The following SEMA3D variants were observed in gnomAD, a reference collection of about 807,000 sequenced individuals.
SEMA3D encodes the protein semaphorin-3D.
A neutral mutation model predicts 100.1 loss-of-function variants in SEMA3D; 84 were observed. That is an observed-to-expected ratio of 0.84 (90% CI 0.70 to 1.01). SEMA3D has a LOEUF of 1.01. Ranked by LOEUF, SEMA3D falls within the 50% of genes least tolerant of loss-of-function variation. SEMA3D has a pLI of 0.00. For synonymous variants in SEMA3D, 312 were observed against 320.7 expected (o/e 0.97, Z 0.29); for missense variants, 875 against 934.1 (o/e 0.94, Z 0.82).
intron 4 of SEMA3D, among the ~76,000 whole-genome samples, chr7:85,085,661 C>G (rs970548714): frequency 6.6e-6 from 1 of 152,036 alleles, no homozygotes; most frequent in African/African-American, 2.4e-5. Context: ...ATGAAATCAC[C>G]GTGCCCAGGG....
chr7:85,101,503 C>A (rs540589267), intron 3 of SEMA3D, among the ~76,000 whole-genome samples: 2 of 152,064 alleles, frequency 1.3e-5, no homozygotes, highest in South Asian at 2.1e-4. Flanking sequence ...AGTCACTTAA[C>A]CTCTCTGTGT....
chr7:85,085,339 T>C (rs371738155), intron 4 of SEMA3D, among the ~76,000 whole-genome samples: 1 of 152,110 alleles, frequency 6.6e-6, no homozygotes, highest in African/African-American at 2.4e-5. Context: ...CAAATCATAG[T>C]ATTGGGTGAT....
At chr7:85,020,524 A>G (rs1222985223) in intron 13 of SEMA3D, among the ~76,000 whole-genome samples, 1 of 151,650 alleles carries the variant, frequency 6.6e-6, no homozygotes, top group Non-Finnish European at 1.5e-5. Flanking sequence ...TAGAACACCC[A>G]TTTATAGAGA....
the SEMA3D span, among the ~76,000 whole-genome samples, chr7:85,240,038 C>A: frequency 1.3e-5 from 2 of 152,052 alleles, no homozygotes; most frequent in Non-Finnish European, 2.9e-5. Flanking sequence ...GCTAAGACTT[C>A]CAACAAAATG....
the SEMA3D span, among the ~76,000 whole-genome samples, chr7:85,209,286 A>C: frequency 6.6e-6 from 1 of 152,086 alleles, no homozygotes; most frequent in Non-Finnish European, 1.5e-5. Flanking sequence ...GTGTGTGTAT[A>C]TATATGTATA....
the SEMA3D span, among the ~76,000 whole-genome samples, chr7:85,246,817 T>C: frequency 1.8e-4 from 27 of 151,880 alleles, no homozygotes; most frequent in Non-Finnish European, 3.8e-4. Flanking sequence ...ATAAGGATGC[T>C]CATAAGCTTG....
At chr7:85,102,137 T>C (rs1250771795) in intron 3 of SEMA3D, among the ~76,000 whole-genome samples, 1 of 151,998 alleles carries the variant, frequency 6.6e-6, no homozygotes, top group Non-Finnish European at 1.5e-5. Flanking sequence ...TATAAAATGT[T>C]AAACCTTTCA....
chr7:85,012,966 T>C, intron 16 of SEMA3D, 120 bp from the exon 17 acceptor site: 1 of 700,654 alleles, frequency 1.4e-6, no homozygotes, highest in South Asian at 1.8e-5. Flanking sequence ...ACAGTTCAAC[T>C]TAAATGCAAG....
the SEMA3D span, among the ~76,000 whole-genome samples, chr7:85,246,272 C>G: frequency 1.3e-5 from 2 of 152,002 alleles, no homozygotes; most frequent in African/African-American, 4.8e-5. Flanking sequence ...TTAAGGCAGA[C>G]TGAGTTATTC....
chr7:85,176,307 G>A (rs1488238666), intron 1 of SEMA3D, among the ~76,000 whole-genome samples: 3 of 152,094 alleles, frequency 2.0e-5, no homozygotes, highest in Non-Finnish European at 4.4e-5. Flanking sequence ...AAGCATATTA[G>A]TCATATTGAT....
intron 3 of SEMA3D, among the ~76,000 whole-genome samples, chr7:85,106,134 G>C (rs570109367): frequency 5.9e-5 from 9 of 152,038 alleles, no homozygotes; most frequent in African/African-American, 1.9e-4. Context: ...TACATTTCCA[G>C]AAAAGCAATG....
chr7:85,005,107 AAAAGCCATTTATT>A (rs993573432), intron 18 of SEMA3D, among the ~76,000 whole-genome samples: 4 of 151,980 alleles, frequency 2.6e-5, no homozygotes, highest in Non-Finnish European at 4.4e-5. Flanking sequence ...CCATGAAGAA[AAAAGCCATTTATT>A]AAAGAATTAT....
chr7:85,019,962 G>A (rs1001079401), intron 14 of SEMA3D, among the ~76,000 whole-genome samples: 2 of 151,624 alleles, frequency 1.3e-5, no homozygotes, highest in Non-Finnish European at 3.0e-5. Flanking sequence ...TTCATTTAAT[G>A]TGGCAATTTG....
At chr7:85,075,312 A>C (rs552681138) in intron 5 of SEMA3D, among the ~76,000 whole-genome samples, 1 of 152,196 alleles carries the variant, frequency 6.6e-6, no homozygotes, top group South Asian at 2.1e-4. Flanking sequence ...CAGATTTTAA[A>C]TTATGGAGTC....
At chr7:85,093,958 C>G (rs563810409) in intron 4 of SEMA3D, among the ~76,000 whole-genome samples, 2 of 151,954 alleles carry the variant, frequency 1.3e-5, no homozygotes, top group South Asian at 4.2e-4. Context: ...GAGGTGAAGC[C>G]TTGGAGAGCA....
At position 85,179,219 on chromosome 7, in the gene SEMA3D, G is replaced by A. The variant is rs911046264; in HGVS notation, c.-173+7459C>T. 2.6e-5 allele frequency among the ~76,000 whole-genome samples: 4 copies of A among 152,122 alleles called. No homozygotes were observed. In the South Asian group the frequency reaches 8.3e-4, roughly 32 times the overall value. ...CCTCCTGTAGGGGCACTGCATAGTGGAGCTGTGAGAAGAGGGCCACCATCC... is the reference window on the plus strand; with the variant it reads ...CCTCCTGTAGGGGCACTGCATAGTGAAGCTGTGAGAAGAGGGCCACCATCC... On this transcript the variant is annotated intron_variant, in intron 1 of 18. Transcript: ENST00000284136.
chr7:85,066,850 C>T (rs562895149), intron 7 of SEMA3D, among the ~76,000 whole-genome samples: 1 of 149,278 alleles, frequency 6.7e-6, no homozygotes, highest in African/African-American at 2.5e-5. Flanking sequence ...GATAATTCAA[C>T]CTTAAGAATG....
At chr7:85,243,101 G>C in the SEMA3D span, among the ~76,000 whole-genome samples, 3 of 152,170 alleles carry the variant, frequency 2.0e-5, no homozygotes, top group African/African-American at 7.2e-5. Context: ...GAGACAGATA[G>C]AGTGGGCTTC....
chr7:85,080,531 G>A (rs1788025849), intron 5 of SEMA3D, among the ~76,000 whole-genome samples: 1 of 152,116 alleles, frequency 6.6e-6, no homozygotes, highest in Non-Finnish European at 1.5e-5. Flanking sequence ...TTAGAGGTAC[G>A]ATTAAAGGAT....
Sources: gnomAD v4.1 joint callset for allele counts (sites outside exome capture counted in the v4.1 genomes callset) on GRCh38, gnomAD v4.1.1 for gene constraint, MANE v1.5 for transcripts, NCBI Gene and HGNC (gene_info 2026-07-23, HGNC 2026-07-21) for gene names.